Variants in HS6ST2 observed in about 807,000 individuals in gnomAD.
HS6ST2 encodes the protein heparan sulfate 6-O-sulfotransferase 2, also known as heparan-sulfate 6-O-sulfotransferase 2.
In HS6ST2, 17 loss-of-function variants were observed where a neutral mutation model predicts 33.0. That is an observed-to-expected ratio of 0.52 (90% confidence interval 0.35 to 0.77). The LOEUF (loss-of-function observed/expected upper bound fraction) is 0.77, where lower values mean the gene tolerates loss of function less well. Ranked by LOEUF, HS6ST2 falls within the 30% of genes least tolerant of loss-of-function variation. HS6ST2 has a pLI of 0.01. For missense variants in HS6ST2, 519 were observed against 551.7 expected, an observed-to-expected ratio of 0.94 and a Z score of 0.59; for synonymous variants, 248 against 237.1, an observed-to-expected ratio of 1.05 and a Z score of -0.42.
At chrX:132,882,882 A>T (rs1042439870) in intron 2 of HS6ST2, among the ~76,000 whole-genome samples, 19 of 111,731 alleles carry the variant, frequency 1.7e-4, no homozygotes, top group Non-Finnish European at 1.9e-4. Context: ...TACTGAGATA[A>T]TCATGTGGTT....
At chrX:132,794,577 T>TGATG (rs1160771963) in intron 2 of HS6ST2, among the ~76,000 whole-genome samples, 282 of 76,998 alleles carry the variant, frequency 3.7e-3, no homozygotes, top group Middle Eastern at 7.0e-3. Flanking sequence ...TGATGATGAT[T>TGATG]ATTATTATTA....
chrX:132,810,725 G>GGGCT (rs2065332870), intron 2 of HS6ST2, among the ~76,000 whole-genome samples: 2 of 111,565 alleles, frequency 1.8e-5, no homozygotes, highest in South Asian at 7.6e-4. Flanking sequence ...TCATATTATT[G>GGGCT]TGCTTGCTTG....
intron 2 of HS6ST2, among the ~76,000 whole-genome samples, chrX:132,819,492 C>T (rs2065430810): frequency 1.8e-5 from 2 of 111,888 alleles, no homozygotes; most frequent in Admixed American, 1.9e-4. Flanking sequence ...AGTGTCCAGG[C>T]CCCATCAGTA....
upstream of HS6ST2, among the ~76,000 whole-genome samples, chrX:132,960,216 C>A (rs1277957436): frequency 9.0e-6 from 1 of 111,442 alleles, no homozygotes; most frequent in Admixed American, 9.4e-5. Context: ...CCTGCTCCCC[C>A]TGAGGGCAGC....
chrX:132,765,825 C>T (rs950979538), intron 2 of HS6ST2, among the ~76,000 whole-genome samples: 2 of 112,235 alleles, frequency 1.8e-5, no homozygotes, highest in African/African-American at 6.5e-5. Context: ...AAGTGCTCCA[C>T]ATTTATTATC....
chrX:132,883,249 G>A (rs2066202612), intron 2 of HS6ST2, among the ~76,000 whole-genome samples: 1 of 111,125 alleles, frequency 9.0e-6, no homozygotes, highest in Non-Finnish European at 1.9e-5. Context: ...CTGTGAATCT[G>A]TCTGGTCCTG....
At chrX:132,921,576 C>T (rs757436465) in intron 2 of HS6ST2, among the ~76,000 whole-genome samples, 9 of 112,153 alleles carry the variant, frequency 8.0e-5, no homozygotes, top group Non-Finnish European at 1.7e-4. Context: ...TCTGGTAAAA[C>T]AAAAGAAAAC....
chrX:132,763,295 G>A (rs1167229192), intron 2 of HS6ST2, among the ~76,000 whole-genome samples: 1 of 112,535 alleles, frequency 8.9e-6, no homozygotes, highest in Non-Finnish European at 1.9e-5. Context: ...ACGAGTAAAA[G>A]TTTTAAGAAT....
At chrX:132,805,248 G>T (rs2065270492) in intron 2 of HS6ST2, among the ~76,000 whole-genome samples, 1 of 111,818 alleles carries the variant, frequency 8.9e-6, no homozygotes, top group Non-Finnish European at 1.9e-5. Flanking sequence ...GTGGTCTTCT[G>T]GTGGTACGCA....
At chrX:132,793,217 C>A (rs763097082) in intron 2 of HS6ST2, among the ~76,000 whole-genome samples, 24 of 107,627 alleles carry the variant, frequency 2.2e-4, no homozygotes, top group African/African-American at 8.1e-4. Flanking sequence ...CCCACCACCA[C>A]GCCTGGCTAA....
At chrX:132,919,475 A>T (rs1159558330) in intron 2 of HS6ST2, among the ~76,000 whole-genome samples, 1 of 112,164 alleles carries the variant, frequency 8.9e-6, no homozygotes, top group Non-Finnish European at 1.9e-5. Flanking sequence ...TATAGGTTTC[A>T]TGTTAATTAT....
chrX:132,824,494 G>C (rs1370202301), intron 2 of HS6ST2, among the ~76,000 whole-genome samples: 3 of 112,484 alleles, frequency 2.7e-5, no homozygotes, highest in African/African-American at 9.7e-5. Context: ...AAGAAAAAGG[G>C]TAAAGGAATT....
chrX:132,777,345 T>C (rs2064971130), intron 2 of HS6ST2, among the ~76,000 whole-genome samples: 1 of 109,101 alleles, frequency 9.2e-6, no homozygotes, highest in South Asian at 4.1e-4. Context: ...ACTATCTGGT[T>C]GAGTAAAAAG....
At chrX:132,949,970 A>G (rs780677052) in intron 2 of HS6ST2, among the ~76,000 whole-genome samples, 1 of 111,342 alleles carries the variant, frequency 9.0e-6, no homozygotes, top group African/African-American at 3.3e-5. Context: ...TCCATGCTCT[A>G]TCAAAGGACA....
intron 4 of HS6ST2, 102 bp from the exon 5 acceptor site, chrX:132,629,195 G>T: frequency 1.1e-6 from 1 of 917,353 alleles, no homozygotes; most frequent in Non-Finnish European, 1.5e-6. Context: ...AAAAAGGAAG[G>T]CAAAGCAAAA....
chrX:132,762,927 C>A (rs1020858673), intron 2 of HS6ST2, among the ~76,000 whole-genome samples: 18 of 111,987 alleles, frequency 1.6e-4, no homozygotes, highest in Admixed American at 5.7e-4. Context: ...CACTTACTAT[C>A]ATGTGACCCT....
In HS6ST2 at chrX:132,682,437, C is replaced by T. The variant is rs1411979524; in HGVS notation, c.981-13238G>A. Among the ~76,000 whole-genome samples, 4 of 111,521 alleles carry T rather than the reference C, an allele frequency of 3.6e-5. No homozygotes were observed. The East Asian group carries it at 1.1e-3, about 32-fold the overall frequency. ...TTCCAACAGCAGAAAGTAGAGTTGGCATATAAGGGAACAAGATAGTATTTA... is the reference window on the plus strand; with the variant it reads ...TTCCAACAGCAGAAAGTAGAGTTGGTATATAAGGGAACAAGATAGTATTTA... On this transcript the variant is annotated intron_variant, in intron 3 of 4. Coordinates refer to ENST00000370833, the MANE Select transcript of HS6ST2 (RefSeq NM_001394073.1).
At chrX:132,745,671 A>T (rs2148292312) in intron 2 of HS6ST2, among the ~76,000 whole-genome samples, 1 of 112,008 alleles carries the variant, frequency 8.9e-6, no homozygotes, top group African/African-American at 3.2e-5. Flanking sequence ...AAATCCTGAG[A>T]GTTCTGGTTT....
chrX:132,831,560 C>A (rs2065590105), intron 2 of HS6ST2, among the ~76,000 whole-genome samples: 1 of 111,567 alleles, frequency 9.0e-6, no homozygotes, highest in African/African-American at 3.3e-5. Flanking sequence ...CTGGACACTG[C>A]CTCTCAGTTC....
Sources: allele counts gnomAD v4.1 joint callset (sites outside exome capture counted in the v4.1 genomes callset), GRCh38; gene constraint gnomAD v4.1.1; transcripts MANE v1.5; gene names NCBI Gene and HGNC (gene_info 2026-07-23, HGNC 2026-07-21).